MACROH2A2: variants seen among roughly 807,000 people sequenced by gnomAD.
MACROH2A2 encodes the protein macroH2A.2 histone, also known as core histone macro-H2A.2.
Under a neutral mutation model 37.6 loss-of-function variants are expected in MACROH2A2, and 6 were observed. The ratio of observed to expected loss-of-function variants is 0.16; its 90% CI spans 0.09 to 0.32. The LOEUF (loss-of-function observed/expected upper bound fraction) is 0.32. MACROH2A2 is among the 10% of genes least tolerant of loss of function. MACROH2A2 has a pLI of 1.00. For synonymous variants in MACROH2A2, 192 were observed against 202.7 expected, an observed-to-expected ratio of 0.95 and a Z score of 0.45; for missense variants, 290 against 485.9, an observed-to-expected ratio of 0.60 and a Z score of 3.79.
At chr10:70,081,717 G>T (rs758359565) in intron 2 of MACROH2A2, among the ~76,000 whole-genome samples, 1 of 152,086 alleles carries the variant, frequency 6.6e-6, no homozygotes, top group African/African-American at 2.4e-5. Flanking sequence ...GACAGAGGGG[G>T]TGGGGACTCT....
chr10:70,090,211 A>T, intron 3 of MACROH2A2, 45 bp downstream of exon 3: 1 of 1,269,862 alleles, frequency 7.9e-7, no homozygotes, highest in East Asian at 2.3e-5. Flanking sequence ...GGTTTGCCAA[A>T]CATGCTAATG....
At chr10:70,108,391 G>A (rs1034518560) in intron 7 of MACROH2A2, among the ~76,000 whole-genome samples, 2 of 152,134 alleles carry the variant, frequency 1.3e-5, no homozygotes, top group African/African-American at 2.4e-5. Context: ...GGCAGGGCTG[G>A]TTCCTTCTGG....
At chr10:70,083,996 T>G (rs1292341338) in intron 2 of MACROH2A2, among the ~76,000 whole-genome samples, 2 of 151,944 alleles carry the variant, frequency 1.3e-5, no homozygotes, top group Non-Finnish European at 2.9e-5. Flanking sequence ...GAGAAGGAAT[T>G]GTTTATAATC....
At chr10:70,089,692 A>G (rs1472242881) in intron 2 of MACROH2A2, among the ~76,000 whole-genome samples, 2 of 152,142 alleles carry the variant, frequency 1.3e-5, no homozygotes, top group African/African-American at 4.8e-5. Context: ...ATCGGATAAC[A>G]TCTTGCTAAA....
Position 70,070,997 on chromosome 10 carries a change from G to T in MACROH2A2, c.-59-4603G>T, listed in dbSNP as rs1047297326. ...TGTGTGTGTGTGTCTGTGTGCATGT[G>T]CATGTGTGTGTGTGTGTGAGCGCGT... On this transcript the variant is annotated intron_variant, in intron 1 of 8. Coordinates refer to ENST00000373255, the MANE Select transcript of MACROH2A2 (RefSeq NM_018649.3). Among the ~76,000 whole-genome samples, 13 of 150,052 alleles carry T rather than the reference G, an allele frequency of 8.7e-5. No homozygotes were observed. In the East Asian group the frequency reaches 2.3e-3, roughly 27 times the overall value.
At chr10:70,057,899 C>T (rs562854855) in intron 1 of MACROH2A2, among the ~76,000 whole-genome samples, 7 of 152,194 alleles carry the variant, frequency 4.6e-5, no homozygotes, top group South Asian at 2.1e-4. Context: ...CACAGGAAAA[C>T]GAAATGGTGG....
chr10:70,079,588 C>T (rs2072163033), intron 2 of MACROH2A2, among the ~76,000 whole-genome samples: 1 of 151,732 alleles, frequency 6.6e-6, no homozygotes, highest in African/African-American at 2.4e-5. Flanking sequence ...CACACACACA[C>T]ACACACACAC....
chr10:70,109,836 G>C (rs779122586), intron 8 of MACROH2A2, among the ~76,000 whole-genome samples: 8 of 152,202 alleles, frequency 5.3e-5, no homozygotes, highest in Non-Finnish European at 8.8e-5. Context: ...ACAGATCCCA[G>C]CTGGGCATTG....
At chr10:70,073,260 G>A (rs1479367036) in intron 1 of MACROH2A2, among the ~76,000 whole-genome samples, 1 of 152,152 alleles carries the variant, frequency 6.6e-6, no homozygotes, top group Non-Finnish European at 1.5e-5. Flanking sequence ...CTAACAGCAG[G>A]CCCTCCATAC....
chr10:70,094,614 C>T (rs891556002), intron 5 of MACROH2A2, among the ~76,000 whole-genome samples: 1 of 152,186 alleles, frequency 6.6e-6, no homozygotes, highest in Non-Finnish European at 1.5e-5. Flanking sequence ...GTTGCTAATT[C>T]GTCACTGATG....
chr10:70,079,268 G>A (rs983555458), intron 2 of MACROH2A2, among the ~76,000 whole-genome samples: 1 of 151,808 alleles, frequency 6.6e-6, no homozygotes. Flanking sequence ...AGACTCTGGG[G>A]TATTTTCTGT....
intron 2 of MACROH2A2, among the ~76,000 whole-genome samples, chr10:70,077,446 G>T (rs539485630): frequency 6.6e-6 from 1 of 152,030 alleles, no homozygotes; most frequent in South Asian, 2.1e-4. Context: ...CAGCTACTGG[G>T]ATTACAGGCC....
Position 70,095,768 on chromosome 10 carries a change from C to T in MACROH2A2, c.688+15C>T. The T allele has an allele frequency of 7.8e-7, 1 of 1,276,872 alleles. No individual in the cohort carries two copies. 79.1% of individuals were successfully genotyped at this position (1,276,872 alleles called of 1,614,324 possible). A position where few individuals can be genotyped will look rare whatever the true frequency, so the allele number is the denominator to read the frequency against. ...AGAAGATATAGGTAAGGTCCTGAGACTTCAGTAGAAGTGCCATAGAATAGG... is the reference window on the plus strand; with the variant it reads ...AGAAGATATAGGTAAGGTCCTGAGATTTCAGTAGAAGTGCCATAGAATAGG... On this transcript the variant is annotated intron_variant, in intron 6 of 8. Coordinates refer to ENST00000373255, the MANE Select transcript of MACROH2A2 (RefSeq NM_018649.3).
chr10:70,069,596 C>T (rs1243951944), intron 1 of MACROH2A2, among the ~76,000 whole-genome samples: 3 of 152,100 alleles, frequency 2.0e-5, no homozygotes, highest in African/African-American at 7.2e-5. Context: ...TGCGTCCAGC[C>T]ATATTCTCTC....
At chr10:70,072,880 C>T (rs1411513315) in intron 1 of MACROH2A2, among the ~76,000 whole-genome samples, 3 of 152,094 alleles carry the variant, frequency 2.0e-5, no homozygotes, top group African/African-American at 7.2e-5. Flanking sequence ...TCGTTTGAAC[C>T]CCAGAGGCAG....
Position 70,075,912 on chromosome 10 carries a change from G to T in MACROH2A2, c.172+82G>T. On this transcript the variant is annotated intron_variant, in intron 2 of 8. Transcript: ENST00000373255. This position sits in a 1 kb window ranked among gnomAD's most constrained non-coding sequence, Gnocchi z 5.0. Reference sequence around the variant, plus strand: ...TCCCCCTCGCAGGCTGGGGAGGGATGCTCCAAATTGCCTTTTGGCTGGCTC... The same window carrying T: ...TCCCCCTCGCAGGCTGGGGAGGGATTCTCCAAATTGCCTTTTGGCTGGCTC... 9 of 1,193,990 alleles carry T rather than the reference G, an allele frequency of 7.5e-6. No homozygotes were observed. The highest frequency in any genetic ancestry group is 1.1e-5 in the Non-Finnish European group (9 of 837,572). 74.0% of individuals were successfully genotyped at this position (1,193,990 alleles called of 1,614,324 possible).
rs1277652836 is a variant in MACROH2A2 at position 70,095,731 on chromosome 10, A to T, written c.666A>T (p.Glu222Asp). The change falls in exon 6 of 9, where the codon GAA (glutamate) becomes GAT (aspartate). Residue 222 changes from glutamate to aspartate, a missense_variant. By Grantham distance (45) the Glu-to-Asp change is conservative. Coordinates refer to ENST00000373255, the MANE Select transcript of MACROH2A2 (RefSeq NM_018649.3). Reference sequence around the variant, plus strand: ...GCATTGTCCACCCAACCACAGCCGAAATTGACCTCAAAGAAGATATAGGTA... The same window carrying T: ...GCATTGTCCACCCAACCACAGCCGATATTGACCTCAAAGAAGATATAGGTA... ...VEGIVHPTTA[E>D]IDLKEDIGKA... 6.3e-7 allele frequency: 1 copy of T among 1,575,778 alleles called. No individual in the cohort carries two copies. The highest frequency in any genetic ancestry group is 1.7e-5 in the Admixed American group (1 of 59,944).
At chr10:70,100,046 C>G (rs2072297625) in intron 6 of MACROH2A2, among the ~76,000 whole-genome samples, 162 bp from the exon 7 acceptor site, 1 of 152,222 alleles carries the variant, frequency 6.6e-6, no homozygotes, top group Admixed American at 6.5e-5. Flanking sequence ...CCAGAGTCCC[C>G]TGCCTCCCCT....
chr10:70,075,509 G>T lies in MACROH2A2; in HGVS notation c.-59-91G>T. 1 of 713,120 alleles carries T rather than the reference G, an allele frequency of 1.4e-6. No individual in the cohort carries two copies. Among genetic ancestry groups the T allele is most frequent in the Non-Finnish European group, 2.4e-6 (1 of 418,260 alleles). The allele number at this position is 713,120 out of a possible 1,614,324, so 44.2% of individuals were successfully genotyped here. The stretch of plus-strand genomic sequence containing the variant: ...TTCAGCTGCCTCCCCAGGGCAGTCA[G>T]AGGTGTCACAGTGGTGCCCAAGGGC... On this transcript the variant is annotated intron_variant, in intron 1 of 8. Coordinates refer to ENST00000373255, the MANE Select transcript of MACROH2A2 (RefSeq NM_018649.3). The surrounding 1 kb of genome is among the most constrained non-coding windows in gnomAD (Gnocchi z 5.0).
Sources: allele counts gnomAD v4.1 joint callset (sites outside exome capture counted in the v4.1 genomes callset), GRCh38; gene constraint gnomAD v4.1.1; non-coding constraint Gnocchi (gnomAD v3.1); transcripts MANE v1.5; gene names NCBI Gene and HGNC (gene_info 2026-07-23, HGNC 2026-07-21).